GRM5: variants seen among roughly 807,000 people sequenced by gnomAD.
GRM5 encodes glutamate metabotropic receptor 5, also known as metabotropic glutamate receptor 5.
A neutral mutation model predicts 83.1 loss-of-function variants in GRM5; 19 were observed. The observed-to-expected ratio is 0.23, with a 90% confidence interval of 0.16 to 0.34. The LOEUF (loss-of-function observed/expected upper bound fraction) is 0.34. Ranked by LOEUF, GRM5 falls within the 10% of genes least tolerant of loss-of-function variation. GRM5 has a pLI of 1.00. For missense variants in GRM5, 1,160 were observed against 1,588.3 expected (o/e 0.73, Z 4.58); for synonymous variants, 675 against 633.6 (o/e 1.07, Z -0.98).
intron 8 of GRM5, among the ~76,000 whole-genome samples, chr11:88,531,969 A>G (rs982190930): frequency 6.6e-6 from 1 of 152,080 alleles, no homozygotes; most frequent in Non-Finnish European, 1.5e-5. Flanking sequence ...TGAAAACCAC[A>G]GGGAGATATT....
chr11:88,782,620 C>T (rs1942995412), intron 3 of GRM5, among the ~76,000 whole-genome samples: 1 of 151,976 alleles, frequency 6.6e-6, no homozygotes, highest in Admixed American at 6.6e-5. Flanking sequence ...TCCATATCAC[C>T]TTATATATAT....
intron 8 of GRM5, among the ~76,000 whole-genome samples, chr11:88,540,417 G>A (rs868684870): frequency 2.7e-5 from 4 of 147,626 alleles, no homozygotes; most frequent in Admixed American, 2.0e-4. Context: ...ATGAGATGGG[G>A]TGGAGGAAGG....
chr11:88,543,917 A>T (rs1942332011), intron 8 of GRM5, among the ~76,000 whole-genome samples: 1 of 152,148 alleles, frequency 6.6e-6, no homozygotes, highest in African/African-American at 2.4e-5. Flanking sequence ...GCCGTGTAAC[A>T]GTATTAAGAG....
chr11:89,006,762 A>G (rs1940538458), intron 2 of GRM5, among the ~76,000 whole-genome samples: 1 of 151,874 alleles, frequency 6.6e-6, no homozygotes, highest in Admixed American at 6.6e-5. Context: ...CACTTTGCCT[A>G]TATAATTTCA....
chr11:89,040,529 T>C (rs1941504442), intron 2 of GRM5, among the ~76,000 whole-genome samples: 2 of 152,066 alleles, frequency 1.3e-5, no homozygotes, highest in African/African-American at 2.4e-5. Context: ...GCCTCATCTC[T>C]ACAAAAAATT....
At chr11:88,550,326 C>A (rs1047428849) in intron 8 of GRM5, among the ~76,000 whole-genome samples, 2 of 152,102 alleles carry the variant, frequency 1.3e-5, no homozygotes, top group African/African-American at 4.8e-5. Flanking sequence ...TGAACTGTAC[C>A]TGACCACTTT....
chr11:89,058,317 G>C (rs890087901), intron 1 of GRM5, among the ~76,000 whole-genome samples: 1 of 152,148 alleles, frequency 6.6e-6, no homozygotes, highest in Non-Finnish European at 1.5e-5. Context: ...GGCGGATGTT[G>C]TCTGTGCACT....
intron 2 of GRM5, chr11:88,984,659 A>C (rs184332674): frequency 4.4e-4 from 205 of 467,304 alleles, no homozygotes; most frequent in African/African-American, 4.0e-3. Flanking sequence ...ATTCACTTTA[A>C]ACTTGTAAGA....
intron 3 of GRM5, among the ~76,000 whole-genome samples, chr11:88,654,427 G>C (rs1278997736): frequency 6.6e-6 from 1 of 152,082 alleles, no homozygotes; most frequent in Non-Finnish European, 1.5e-5. Context: ...AGTTTGTGCT[G>C]TATATCTGCT....
intron 3 of GRM5, among the ~76,000 whole-genome samples, chr11:88,744,040 G>A (rs1942082387): frequency 6.6e-6 from 1 of 152,098 alleles, no homozygotes; most frequent in Non-Finnish European, 1.5e-5. Flanking sequence ...GTTAATGTAA[G>A]AAGCATACTA....
At chr11:89,007,271 C>T (rs1940556770) in intron 2 of GRM5, among the ~76,000 whole-genome samples, 1 of 152,174 alleles carries the variant, frequency 6.6e-6, no homozygotes, top group African/African-American at 2.4e-5. Flanking sequence ...CAGACCATGA[C>T]CCCAGGAGAG....
chr11:88,691,296 T>C (rs1014012034), intron 3 of GRM5, among the ~76,000 whole-genome samples: 2 of 152,250 alleles, frequency 1.3e-5, no homozygotes, highest in Admixed American at 1.3e-4. Flanking sequence ...TTAATTATTG[T>C]ATTTATCCAT....
At chr11:88,558,500 C>A (rs1942677645) in intron 8 of GRM5, among the ~76,000 whole-genome samples, 1 of 152,044 alleles carries the variant, frequency 6.6e-6, no homozygotes, top group African/African-American at 2.4e-5. Flanking sequence ...ATTTCACAGG[C>A]TGCACTCCTG....
intron 2 of GRM5, among the ~76,000 whole-genome samples, chr11:88,995,744 G>A (rs1892878): frequency 0.096 from 14,542 of 151,926 alleles, 2,259 homozygotes; most frequent in African/African-American, 0.33. Context: ...CATTTCTAAT[G>A]ATATGATTGA....
intron 2 of GRM5, among the ~76,000 whole-genome samples, chr11:89,035,425 T>A (rs1239771932): frequency 6.6e-6 from 1 of 151,906 alleles, no homozygotes; most frequent in African/African-American, 2.4e-5. Flanking sequence ...AGTCAAGGAT[T>A]GAAATCCTAA....
intron 2 of GRM5, among the ~76,000 whole-genome samples, chr11:89,026,732 A>C (rs1315096802): frequency 6.6e-6 from 1 of 152,210 alleles, no homozygotes; most frequent in Admixed American, 6.5e-5. Context: ...GAAGGAAGGA[A>C]AAGGAATACA....
chr11:88,978,040 C>T (rs751201001), intron 2 of GRM5, among the ~76,000 whole-genome samples: 45 of 152,126 alleles, frequency 3.0e-4, no homozygotes, highest in Admixed American at 2.0e-3. Flanking sequence ...TAGAAAACTG[C>T]GCATTTTCAT....
chr11:88,977,333 C>T (rs1286828133), intron 2 of GRM5, among the ~76,000 whole-genome samples: 1 of 151,984 alleles, frequency 6.6e-6, no homozygotes, highest in Admixed American at 6.6e-5. Flanking sequence ...CTGCTTCAGC[C>T]TCCTGAGCAG....
intron 2 of GRM5, among the ~76,000 whole-genome samples, chr11:88,870,626 G>A (rs910589076): frequency 4.6e-5 from 7 of 151,588 alleles, no homozygotes; most frequent in African/African-American, 1.7e-4. Context: ...CTAACAGATA[G>A]GATAGCCAGG....
Sources: allele counts gnomAD v4.1 joint callset (sites outside exome capture counted in the v4.1 genomes callset), GRCh38; gene constraint gnomAD v4.1.1; transcripts MANE v1.5; gene names NCBI Gene and HGNC (gene_info 2026-07-23, HGNC 2026-07-21).